CADPS2: variants seen among roughly 807,000 people sequenced by gnomAD.
CADPS2 encodes calcium-dependent secretion activator 2.
Under a neutral mutation model 172.5 loss-of-function variants are expected in CADPS2, and 93 were observed. The ratio of observed to expected loss-of-function variants is 0.54; its 90% CI spans 0.46 to 0.64. CADPS2 has a LOEUF of 0.64. CADPS2 is among the 30% of genes least tolerant of loss of function. The pLI, the probability that CADPS2 is intolerant of heterozygous loss-of-function variation, is 0.00. For missense variants in CADPS2, 1,420 were observed against 1,565.9 expected, an observed-to-expected ratio of 0.91 and a Z score of 1.57; for synonymous variants, 546 against 555.2, an observed-to-expected ratio of 0.98 and a Z score of 0.23.
intron 1 of CADPS2, among the ~76,000 whole-genome samples, chr7:122,826,693 C>T (rs1804989842): frequency 6.6e-6 from 1 of 151,898 alleles, no homozygotes; most frequent in African/African-American, 2.4e-5. Flanking sequence ...ATTGGTTGGA[C>T]TCAGTGGCAG....
In CADPS2 at chr7:122,387,199, G is replaced by A. The variant is rs1014409527; in HGVS notation, c.3165-26C>T. 8 of 1,560,048 alleles carry A rather than the reference G, an allele frequency of 5.1e-6. No individual in the cohort carries two copies. The African/African-American group carries it at 9.5e-5, about 19-fold the overall frequency. ...CTAGTTTTTAAAACATGAATTCAGA[G>A]TAAGAAATTCTGCTATACAGCTCAC... is the stretch of plus-strand genomic sequence containing the variant. On this transcript the variant is annotated intron_variant, in intron 23 of 29. Coordinates refer to ENST00000449022, the MANE Select transcript of CADPS2 (RefSeq NM_017954.11).
At chr7:122,879,691 C>T (rs1822347144) in intron 1 of CADPS2, among the ~76,000 whole-genome samples, 1 of 151,930 alleles carries the variant, frequency 6.6e-6, no homozygotes, top group Non-Finnish European at 1.5e-5. Context: ...ATTTTCAGGC[C>T]CTTTGCCCCA....
intron 1 of CADPS2, among the ~76,000 whole-genome samples, chr7:122,750,567 T>C (rs765565699): frequency 7.2e-5 from 11 of 152,076 alleles, no homozygotes; most frequent in Non-Finnish European, 1.6e-4. Flanking sequence ...CTTAATCTTT[T>C]CAGTGTTGTC....
At chr7:122,566,500 G>C (rs1454456805) in intron 7 of CADPS2, among the ~76,000 whole-genome samples, 1 of 152,082 alleles carries the variant, frequency 6.6e-6, no homozygotes, top group Admixed American at 6.6e-5. Flanking sequence ...CAATAGCCAA[G>C]ATATGAAATC....
At chr7:122,666,611 G>C (rs2081218795) in intron 2 of CADPS2, among the ~76,000 whole-genome samples, 2 of 151,988 alleles carry the variant, frequency 1.3e-5, no homozygotes, top group Admixed American at 6.5e-5. Flanking sequence ...CAAAGTGCTG[G>C]GATTACAGGT....
intron 1 of CADPS2, among the ~76,000 whole-genome samples, chr7:122,784,052 G>T (rs543923706): frequency 6.6e-6 from 1 of 151,938 alleles, no homozygotes; most frequent in South Asian, 2.1e-4. Context: ...TAGTAGTCAC[G>T]TCTATTTAAT....
chr7:122,881,517 A>G (rs1822933401), intron 1 of CADPS2, among the ~76,000 whole-genome samples: 1 of 152,154 alleles, frequency 6.6e-6, no homozygotes, highest in South Asian at 2.1e-4. Flanking sequence ...AGGGCAAGGT[A>G]TTCCCTATAA....
At chr7:122,577,117 C>A (rs2068156500) in intron 7 of CADPS2, among the ~76,000 whole-genome samples, 2 of 152,048 alleles carry the variant, frequency 1.3e-5, no homozygotes, top group African/African-American at 4.8e-5. Context: ...TATTCTCTCT[C>A]CTGCCACCCT....
At chr7:122,334,063 T>C (rs2035450424) in intron 28 of CADPS2, among the ~76,000 whole-genome samples, 1 of 152,038 alleles carries the variant, frequency 6.6e-6, no homozygotes, top group Non-Finnish European at 1.5e-5. Flanking sequence ...AACAGTTGCA[T>C]TTGGCCAAAA....
At chr7:122,338,008 T>A (rs2036156367) in intron 28 of CADPS2, among the ~76,000 whole-genome samples, 1 of 152,228 alleles carries the variant, frequency 6.6e-6, no homozygotes, top group Non-Finnish European at 1.5e-5. Flanking sequence ...AATAAGACAC[T>A]GCTGCTATCA....
At chr7:122,521,781 A>G (rs1306274647) in intron 8 of CADPS2, among the ~76,000 whole-genome samples, 2 of 152,138 alleles carry the variant, frequency 1.3e-5, no homozygotes, top group African/African-American at 4.8e-5. Context: ...CAAATGCATA[A>G]AACATAGAGT....
At chr7:122,704,352 CT>C (rs943018418) in intron 2 of CADPS2, among the ~76,000 whole-genome samples, 26 of 146,370 alleles carry the variant, frequency 1.8e-4, no homozygotes, top group East Asian at 4.0e-4. Context: ...TACAGGTAGA[CT>C]TTTTTTTTTT....
intron 9 of CADPS2, among the ~76,000 whole-genome samples, chr7:122,495,866 T>A (rs558481161): frequency 2.4e-4 from 36 of 152,284 alleles, no homozygotes; most frequent in Non-Finnish European, 4.1e-4. Context: ...GAAGTGGTAT[T>A]TCACTATTAT....
At position 122,633,555 on chromosome 7, in the gene CADPS2, A is replaced by G. The variant is rs2076779807; in HGVS notation, c.787-4227T>C. ...TTTTGTACTTTGATTTTGTGCTGTG[A>G]AACTTTACTGAAGTCATTTATCAGT... On this transcript the variant is annotated intron_variant, in intron 3 of 29. Coordinates refer to ENST00000449022, the MANE Select transcript of CADPS2 (RefSeq NM_017954.11). Among the ~76,000 whole-genome samples the G allele has an allele frequency of 3.9e-5, 6 of 152,266 alleles. No individual in the cohort carries two copies. In the South Asian group the frequency reaches 1.2e-3, roughly 32 times the overall value.
At chr7:122,411,160 G>C (rs1182957964) in intron 19 of CADPS2, among the ~76,000 whole-genome samples, 1 of 151,250 alleles carries the variant, frequency 6.6e-6, no homozygotes, top group Non-Finnish European at 1.5e-5. Context: ...AGTATCTTTT[G>C]ATTTATGGCT....
At chr7:122,872,949 G>T (rs762866567) in intron 1 of CADPS2, among the ~76,000 whole-genome samples, 2 of 152,046 alleles carry the variant, frequency 1.3e-5, no homozygotes, top group Non-Finnish European at 2.9e-5. Flanking sequence ...CCTGCCCTTT[G>T]AATCAGAATA....
intron 1 of CADPS2, among the ~76,000 whole-genome samples, chr7:122,766,232 C>G (rs975633107): frequency 1.3e-5 from 2 of 151,944 alleles, no homozygotes; most frequent in South Asian, 2.1e-4. Context: ...CCCCATGGAC[C>G]AAATATCTCC....
chr7:122,735,702 T>C (rs1485253744), intron 2 of CADPS2, among the ~76,000 whole-genome samples: 1 of 152,156 alleles, frequency 6.6e-6, no homozygotes, highest in Non-Finnish European at 1.5e-5. Flanking sequence ...AGTGCAGCAG[T>C]GCATTTATCA....
Position 122,886,216 on chromosome 7 carries a change from C to T in CADPS2, c.122G>A (p.Arg41Gln), listed in dbSNP as rs1290345271. 1 of 1,476,610 alleles carries T rather than the reference C, an allele frequency of 6.8e-7. No individual in the cohort carries two copies. Among genetic ancestry groups the T allele is most frequent in the Non-Finnish European group, 8.9e-7 (1 of 1,123,350 alleles). 91.5% of individuals were successfully genotyped at this position (1,476,610 alleles called of 1,614,324 possible). A position where few individuals can be genotyped will look rare whatever the true frequency, so the allele number is the denominator to read the frequency against. The change falls in exon 1 of 30, where the codon CGG (arginine) becomes CAG (glutamine). Residue 41 changes from arginine (R) to glutamine (Q), a missense_variant. Transcript: ENST00000449022. The part of the protein sequence containing the change: ...RAPPAPTREG[R>Q]RDAPGRAGGG... ...GCCCGCGCGCCCCGGCGCGTCCCGC[C>T]GCCCTTCCCGAGTCGGGGCTGGAGG...
Sources: gnomAD v4.1 joint callset for allele counts (sites outside exome capture counted in the v4.1 genomes callset) on GRCh38, gnomAD v4.1.1 for gene constraint, MANE v1.5 for transcripts, NCBI Gene and HGNC (gene_info 2026-07-23, HGNC 2026-07-21) for gene names.